Variants in RACGAP1 observed in about 807,000 individuals in gnomAD.
RACGAP1 encodes rac GTPase-activating protein 1.
Under a neutral mutation model 78.1 loss-of-function variants are expected in RACGAP1, and 30 were observed. That is an observed-to-expected ratio of 0.38 (90% confidence interval 0.29 to 0.52). The LOEUF is 0.52. RACGAP1 is among the 20% of genes least tolerant of loss of function. The pLI is 0.82. For missense variants in RACGAP1, 587 were observed against 777.1 expected (o/e 0.76, Z 2.91); for synonymous variants, 231 against 264.8 (o/e 0.87, Z 1.24).
intron 12 of RACGAP1, 77 bp downstream of exon 12, chr12:49,994,050 AAAAT>A (rs1948085068): frequency 6.0e-6 from 8 of 1,343,158 alleles, no homozygotes; most frequent in Middle Eastern, 2.7e-4. Flanking sequence ...TAAAAAATAA[AAAAT>A]AAATAAAAAA....
intron 7 of RACGAP1, among the ~76,000 whole-genome samples, 195 bp from the exon 8 acceptor site, chr12:49,999,928 T>C (rs1032726530): frequency 8.6e-5 from 13 of 151,778 alleles, no homozygotes; most frequent in African/African-American, 3.1e-4. Flanking sequence ...CTCGGCTCAC[T>C]GCAACCTCCG....
intron 1 of RACGAP1, chr12:50,018,642 T>G (rs1416776494): frequency 3.9e-6 from 4 of 1,017,514 alleles, no homozygotes; most frequent in Non-Finnish European, 5.4e-6. Flanking sequence ...AGGTATTACT[T>G]TCTATCATCT....
chr12:50,005,856 G>GTA (rs1948944521), intron 3 of RACGAP1, among the ~76,000 whole-genome samples: 2 of 152,184 alleles, frequency 1.3e-5, no homozygotes, highest in African/African-American at 4.8e-5. Flanking sequence ...ATCTAACACT[G>GTA]TATACCAAGA....
chr12:49,999,683 G>A lies in RACGAP1; in HGVS notation c.681C>T (p.Gly227=), dbSNP rs755603415. ...AKTTVTVPND[G]GPIEAVSTIE... ...TAGTGGACACAGCTTCGATGGGCCC[G>A]CCATCATTGGGAACAGTCACTGTAG... Residue 227 remains glycine (G), a synonymous_variant, in exon 8 of 17, where the codon GGC becomes GGT. Coordinates refer to ENST00000312377, the MANE Select transcript of RACGAP1 (RefSeq NM_001319999.2). The A allele has an allele frequency of 8.1e-6, 13 of 1,614,022 alleles. No homozygotes were observed. Among genetic ancestry groups the A allele is most frequent in the African/African-American group, 1.3e-5 (1 of 74,908 alleles).
At position 49,992,581 on chromosome 12, in the gene RACGAP1, T is replaced by A. The variant is rs777432882; in HGVS notation, c.1414A>T (p.Thr472Ser). ...AAGTGAATCATGAGGAAAGCTAATG[T>A]GTCCCTGTTGGCCTGGGGCAGTTCA... The part of the protein sequence containing the change: ...VGELPQANRD[T>S]LAFLMIHLQR... Residue 472 changes from threonine (T) to serine (S), a missense_variant, in exon 13 of 17, where the codon ACA becomes TCA. Coordinates refer to ENST00000312377, the MANE Select transcript of RACGAP1 (RefSeq NM_001319999.2). 4 of 1,614,042 alleles carry A rather than the reference T, an allele frequency of 2.5e-6. No individual in the cohort carries two copies. In the African/African-American group the frequency reaches 5.3e-5, roughly 22 times the overall value.
At chr12:50,013,680 C>T (rs1177413088) in intron 2 of RACGAP1, among the ~76,000 whole-genome samples, 1 of 152,176 alleles carries the variant, frequency 6.6e-6, no homozygotes, top group East Asian at 1.9e-4. Context: ...CCCTCAAGTC[C>T]CACACCCTCT....
chr12:50,002,267 G>C lies in RACGAP1; in HGVS notation c.529C>G (p.Leu177Val). ...WDSSLVKTFK[L>V]KKREKRRSTS... Reference sequence around the variant, plus strand: ...CATACCCTCTTTTCTCTCTTCTTCAGTTTGAAAGTCTTCACCAAAGAAGAG... The same window carrying C: ...CATACCCTCTTTTCTCTCTTCTTCACTTTGAAAGTCTTCACCAAAGAAGAG... Residue 177 changes from leucine to valine, a missense_variant, in exon 6 of 17, where the codon CTG (leucine) becomes GTG (valine). By Grantham distance (32) the Leu-to-Val change is conservative. Transcript: ENST00000312377. 6.2e-7 allele frequency: 1 copy of C among 1,613,292 alleles called. No homozygotes were observed. The highest frequency in any genetic ancestry group is 8.5e-7 in the Non-Finnish European group (1 of 1,179,562).
At chr12:49,999,857 AC>A (rs1948546915) in intron 7 of RACGAP1, 124 bp from the exon 8 acceptor site, 1 of 713,448 alleles carries the variant, frequency 1.4e-6, no homozygotes, top group Admixed American at 2.3e-5. Context: ...CCAGTCTGAT[AC>A]TTTTTTTTTG....
chr12:49,999,850 G>A (rs900126542), intron 7 of RACGAP1, 117 bp from the exon 8 acceptor site: 2 of 740,526 alleles, frequency 2.7e-6, no homozygotes, highest in Admixed American at 2.2e-5. Flanking sequence ...TAAGACCCCA[G>A]TCTGATACTT....
intron 1 of RACGAP1, 167 bp downstream of exon 1, chr12:50,025,231 C>T: frequency 1.1e-6 from 1 of 900,308 alleles, no homozygotes; most frequent in African/African-American, 1.8e-5. Flanking sequence ...CGACCTGCCA[C>T]GACCCCCACC....
chr12:49,999,510 T>C (rs1440665900), intron 8 of RACGAP1, 106 bp downstream of exon 8: 1 of 1,074,778 alleles, frequency 9.3e-7, no homozygotes, highest in Non-Finnish European at 1.4e-6. Flanking sequence ...AGTAAGAAAC[T>C]ACCCAATACA....
In RACGAP1 at chr12:49,993,741, C is replaced by A. The variant is rs1179624695; in HGVS notation, c.1339+390G>T. Among the ~76,000 whole-genome samples the A allele has an allele frequency of 1.2e-4, 11 of 88,594 alleles. No homozygotes were observed. The East Asian group carries it at 4.0e-3, about 32-fold the overall frequency. The allele number at this position is 88,594 out of a possible 152,430, so 58.1% of individuals were successfully genotyped here. A position where few individuals can be genotyped will look rare whatever the true frequency, so the allele number is the denominator to read the frequency against. ...CAGCCTGGGCGACAGAGAAAGACTC[C>A]GTCTTAAAAAAAAAAAAAAAAGAGG... is the stretch of plus-strand genomic sequence containing the variant. On this transcript the variant is annotated intron_variant, in intron 12 of 16. Transcript: ENST00000312377.
rs1455737005 is a variant in RACGAP1, at chr12:49,990,544, C to A, written c.1823+140G>T. The A allele has an allele frequency of 1.0e-5, 8 of 794,932 alleles. No homozygotes were observed. In the Admixed American group the frequency reaches 1.1e-4, roughly 11 times the overall value. 49.2% of individuals were successfully genotyped at this position (794,932 alleles called of 1,614,324 possible). A position where few individuals can be genotyped will look rare whatever the true frequency, so the allele number is the denominator to read the frequency against. ...TTCAGAACCTTTTTAAAGAAGGAATCCTTATAGCCCCACGTTCCCTTTTAA... is the reference window on the plus strand; with the variant it reads ...TTCAGAACCTTTTTAAAGAAGGAATACTTATAGCCCCACGTTCCCTTTTAA... On this transcript the variant is annotated intron_variant, in intron 16 of 16. Transcript: ENST00000312377.
chr12:50,001,279 T>C (rs1364015661), intron 6 of RACGAP1, 27 bp from the exon 7 acceptor site: 1 of 1,543,564 alleles, frequency 6.5e-7, no homozygotes, highest in East Asian at 2.3e-5. Context: ...GACCCGTAAC[T>C]TTAATGCCAA....
intron 5 of RACGAP1, chr12:50,002,600 G>A (rs1017487583): frequency 2.0e-5 from 5 of 255,212 alleles, no homozygotes; most frequent in Admixed American, 1.9e-4. Context: ...CTTTATTTCT[G>A]ATTATTTTTG....
intron 2 of RACGAP1, among the ~76,000 whole-genome samples, chr12:50,009,335 T>C (rs1381403506): frequency 1.3e-5 from 2 of 151,250 alleles, no homozygotes; most frequent in African/African-American, 4.9e-5. Context: ...AGTGCCCCTA[T>C]CAAAAAGGAG....
chr12:50,025,779 A>G (rs1307454629), upstream of RACGAP1, among the ~76,000 whole-genome samples: 2 of 152,102 alleles, frequency 1.3e-5, no homozygotes, highest in African/African-American at 4.8e-5. Context: ...CTGCGGGACT[A>G]GGGCCCTTGG....
intron 3 of RACGAP1, among the ~76,000 whole-genome samples, chr12:50,005,593 C>T (rs940715356): frequency 6.6e-6 from 1 of 152,218 alleles, no homozygotes; most frequent in Non-Finnish European, 1.5e-5. Flanking sequence ...AAATGAACTA[C>T]ATCTAGAACA....
At chr12:50,015,826 AT>A (rs774339842) in intron 2 of RACGAP1, among the ~76,000 whole-genome samples, 36 of 150,590 alleles carry the variant, frequency 2.4e-4, no homozygotes, top group African/African-American at 8.7e-4. Flanking sequence ...AATTAAAAAA[AT>A]TTAAAAAAAA....
Sources: allele counts gnomAD v4.1 joint callset (sites outside exome capture counted in the v4.1 genomes callset), GRCh38; gene constraint gnomAD v4.1.1; transcripts MANE v1.5; gene names NCBI Gene and HGNC (gene_info 2026-07-23, HGNC 2026-07-21).